The following CSMD1 variants were observed in gnomAD, a reference collection of about 807,000 sequenced individuals.
CSMD1 encodes the protein CUB and Sushi multiple domains 1.
CSMD1 carries 213 observed loss-of-function variants against 417.5 expected under a neutral mutation model. The observed-to-expected ratio is 0.51, with a 90% CI of 0.46 to 0.57. CSMD1 has a LOEUF of 0.57. CSMD1 is among the 20% of genes least tolerant of loss of function. CSMD1 has a pLI of 0.00. For missense variants in CSMD1, 6,923 were observed against 4,529.7 expected, an observed-to-expected ratio of 1.53 and a Z score of -15.17; for synonymous variants, 2,862 against 1,736.8, an observed-to-expected ratio of 1.65 and a Z score of -16.11.
chr8:3,643,454 G>A (rs917878518), intron 7 of CSMD1, among the ~76,000 whole-genome samples: 3 of 151,960 alleles, frequency 2.0e-5, no homozygotes, highest in African/African-American at 7.2e-5. Flanking sequence ...TGTAATCCTA[G>A]CACTTTGGGA....
At chr8:4,871,034 C>A (rs1227288891) in intron 1 of CSMD1, among the ~76,000 whole-genome samples, 1 of 152,054 alleles carries the variant, frequency 6.6e-6, no homozygotes, top group Non-Finnish European at 1.5e-5. Context: ...CCCTGGGGAG[C>A]TGGGAGAGTC....
intron 3 of CSMD1, among the ~76,000 whole-genome samples, chr8:4,277,649 C>G (rs983125545): frequency 3.3e-5 from 5 of 152,154 alleles, no homozygotes; most frequent in East Asian, 1.9e-4. Context: ...CAGAAACAAC[C>G]TGTTTGTATC....
chr8:4,261,637 T>C (rs1156816492), intron 3 of CSMD1, among the ~76,000 whole-genome samples: 2 of 152,130 alleles, frequency 1.3e-5, no homozygotes, highest in African/African-American at 4.8e-5. Flanking sequence ...GTTGAACTCC[T>C]AGGCTCAGGC....
At chr8:3,933,917 T>A (rs544786814) in intron 5 of CSMD1, among the ~76,000 whole-genome samples, 1 of 152,112 alleles carries the variant, frequency 6.6e-6, no homozygotes, top group Admixed American at 6.6e-5. Flanking sequence ...TAAATATGGG[T>A]GAAAAATGCG....
At chr8:4,606,009 G>C (rs1339223033) in intron 2 of CSMD1, among the ~76,000 whole-genome samples, 1 of 152,176 alleles carries the variant, frequency 6.6e-6, no homozygotes, top group Non-Finnish European at 1.5e-5. Flanking sequence ...ATGGAGCCCA[G>C]ACACCAAGCT....
chr8:4,922,866 T>A (rs1380417328), intron 1 of CSMD1, among the ~76,000 whole-genome samples: 1 of 152,228 alleles, frequency 6.6e-6, no homozygotes, highest in East Asian at 1.9e-4. Context: ...GCTAAAGTTT[T>A]AACTGGCATC....
chr8:4,342,377 A>G (rs919972679), intron 3 of CSMD1, among the ~76,000 whole-genome samples: 2 of 152,134 alleles, frequency 1.3e-5, no homozygotes, highest in African/African-American at 4.8e-5. Flanking sequence ...GCTATCACAT[A>G]TGTTTATTAT....
intron 38 of CSMD1, among the ~76,000 whole-genome samples, chr8:3,161,350 C>G (rs901879077): frequency 6.6e-6 from 1 of 152,140 alleles, no homozygotes; most frequent in Admixed American, 6.5e-5. Flanking sequence ...GACACAGTAG[C>G]TCACACCTGT....
chr8:4,611,858 G>A (rs1801192535), intron 2 of CSMD1, among the ~76,000 whole-genome samples: 1 of 152,152 alleles, frequency 6.6e-6, no homozygotes, highest in African/African-American at 2.4e-5. Flanking sequence ...GGTTTGAAGT[G>A]CCTGCCACCT....
At chr8:3,404,308 C>T in intron 15 of CSMD1, among the ~76,000 whole-genome samples, 1 of 148,176 alleles carries the variant, frequency 6.7e-6, no homozygotes, top group East Asian at 2.0e-4. Context: ...GCACTCCAGC[C>T]TGGGTGACAG....
At chr8:3,007,789 G>A (rs1470695896) in intron 52 of CSMD1, among the ~76,000 whole-genome samples, 1 of 113,734 alleles carries the variant, frequency 8.8e-6, no homozygotes, top group Non-Finnish European at 1.7e-5. Context: ...GGGGAGGGGG[G>A]AGGGATAGCA....
At chr8:3,665,877 G>C (rs1003806140) in intron 7 of CSMD1, among the ~76,000 whole-genome samples, 1 of 152,028 alleles carries the variant, frequency 6.6e-6, no homozygotes, top group Non-Finnish European at 1.5e-5. Context: ...TTGCTTTTTT[G>C]TTGTTGTTTT....
chr8:3,273,634 T>C (rs982807634), intron 26 of CSMD1, among the ~76,000 whole-genome samples: 4 of 152,330 alleles, frequency 2.6e-5, no homozygotes, highest in Admixed American at 2.0e-4. Flanking sequence ...TATTCAGAGA[T>C]TCAACTTCTT....
At chr8:4,100,565 G>C (rs1454525869) in intron 3 of CSMD1, among the ~76,000 whole-genome samples, 1 of 152,148 alleles carries the variant, frequency 6.6e-6, no homozygotes, top group Non-Finnish European at 1.5e-5. Context: ...AATGTATAAA[G>C]AGAACAGCAT....
intron 11 of CSMD1, among the ~76,000 whole-genome samples, chr8:3,475,979 A>G (rs964368561): frequency 6.6e-6 from 1 of 152,328 alleles, no homozygotes; most frequent in Non-Finnish European, 1.5e-5. Context: ...GAACAATTTC[A>G]TCTCTGATCA....
At chr8:2,948,916 T>C (rs1802432892) in intron 68 of CSMD1, among the ~76,000 whole-genome samples, 1 of 151,910 alleles carries the variant, frequency 6.6e-6, no homozygotes, top group African/African-American at 2.4e-5. Context: ...TATATATGTA[T>C]ATTTCTGAAG....
chr8:4,801,945 T>G lies in CSMD1; in HGVS notation c.86-164387A>C, dbSNP rs147326207. Among the ~76,000 whole-genome samples the G allele has an allele frequency of 2.6e-3, 389 of 152,326 alleles. 3 individuals are homozygous for G. The highest frequency in any genetic ancestry group is 0.02 in the Middle Eastern group (6 of 294). ...TGTGATTCAAGGTAACTGGTACATT[T>G]TGATCATCTCTTCCTTTCATATTTA... On this transcript the variant is annotated intron_variant, in intron 1 of 69. Coordinates refer to ENST00000635120, the MANE Select transcript of CSMD1 (RefSeq NM_033225.6).
intron 1 of CSMD1, among the ~76,000 whole-genome samples, chr8:4,790,414 T>C (rs1797628646): frequency 6.6e-6 from 1 of 152,156 alleles, no homozygotes; most frequent in African/African-American, 2.4e-5. Flanking sequence ...CCCAGAGCAA[T>C]TTACAGATTC....
intron 2 of CSMD1, among the ~76,000 whole-genome samples, chr8:4,536,577 T>C (rs940506257): frequency 2.6e-5 from 4 of 152,194 alleles, no homozygotes; most frequent in African/African-American, 9.7e-5. Context: ...TCGGACACTG[T>C]TGTGGATATC....
Sources: allele counts gnomAD v4.1 joint callset (sites outside exome capture counted in the v4.1 genomes callset), GRCh38; gene constraint gnomAD v4.1.1; transcripts MANE v1.5; gene names NCBI Gene and HGNC (gene_info 2026-07-23, HGNC 2026-07-21).